CEP192: variants seen among roughly 807,000 people sequenced by gnomAD.
CEP192 encodes the protein centrosomal protein of 192 kDa.
CEP192 carries 151 observed loss-of-function variants against 271.8 expected under a neutral mutation model. That is an observed-to-expected ratio of 0.56 (90% CI 0.49 to 0.64). The LOEUF is 0.64. Among genes scored for constraint, CEP192 ranks in the 30% least tolerant of loss-of-function variants. The probability of loss-of-function intolerance (pLI) is 0.00; values close to 1 mark genes in which losing one functional copy is unlikely to be tolerated. For synonymous variants in CEP192, 995 were observed against 1,076.5 expected (o/e 0.92, Z 1.48); for missense variants, 2,910 against 3,020.5 (o/e 0.96, Z 0.86).
chr18:13,073,078 GA>G lies in CEP192; in HGVS notation c.5510del (p.Asp1837AlafsTer20). On this transcript the variant is annotated frameshift_variant, in exon 30 of 45. Coordinates refer to ENST00000506447, the MANE Select transcript of CEP192 (RefSeq NM_032142.4). LOFTEE classifies it high-confidence loss of function. ...TGAGATCAGAATTCACCCAAAGGAAGACATTTTCATCTCTGTATTATTTGCA... is the reference window on the plus strand; with the variant it reads ...TGAGATCAGAATTCACCCAAAGGAAGCATTTTCATCTCTGTATTATTTGCA... Reference protein sequence around the residue: ...NCEIRIHPKEDIFISVLFAPT... With the variant: ...NCEIRIHPKEXIFISVLFAPT... 1 of 1,613,814 alleles carries G rather than the reference GA, an allele frequency of 6.2e-7. No homozygotes were observed. The highest frequency in any genetic ancestry group is 8.5e-7 in the Non-Finnish European group (1 of 1,179,894).
At chr18:13,031,395 CTG>C (rs2035619934) in intron 11 of CEP192, among the ~76,000 whole-genome samples, 2 of 151,944 alleles carry the variant, frequency 1.3e-5, no homozygotes, top group Admixed American at 1.3e-4. Context: ...CTACAGGCAC[CTG>C]CCACTACGCC....
chr18:13,035,353 C>T (rs193169032), intron 11 of CEP192, among the ~76,000 whole-genome samples: 6 of 152,270 alleles, frequency 3.9e-5, no homozygotes, highest in Admixed American at 6.5e-5. Flanking sequence ...TACAGTTCCA[C>T]GTGGCTAGGG....
chr18:13,064,950 T>G (rs945235888), intron 21 of CEP192, among the ~76,000 whole-genome samples: 73 of 152,190 alleles, frequency 4.8e-4, no homozygotes, highest in African/African-American at 1.7e-3. Context: ...CCTCTTCAAT[T>G]TTCTTCATCA....
At position 13,056,543 on chromosome 18, in the gene CEP192, T is replaced by C; in HGVS notation, c.3953T>C (p.Ile1318Thr). 1 of 1,614,184 alleles carries C rather than the reference T, an allele frequency of 6.2e-7. No individual in the cohort carries two copies. The highest frequency in any genetic ancestry group is 8.5e-7 in the Non-Finnish European group (1 of 1,180,026). Residue 1318 changes from isoleucine (I) to threonine (T), a missense_variant, in exon 19 of 45, where the codon ATC becomes ACC. Physicochemically the swap from Ile to Thr is moderately conservative, Grantham distance 89. Coordinates refer to ENST00000506447, the MANE Select transcript of CEP192 (RefSeq NM_032142.4). ...VAVGICLGSN[I>T]GSGWMGTSSL... is the part of the protein sequence containing the mutation. ...GTGGGAATTTGTCTAGGATCAAATATCGGCTCTGGATGGATGGGTACCTCT... is the reference window on the plus strand; with the variant it reads ...GTGGGAATTTGTCTAGGATCAAATACCGGCTCTGGATGGATGGGTACCTCT...
At chr18:13,114,416 C>T (rs1361610871) in intron 42 of CEP192, among the ~76,000 whole-genome samples, 165 bp downstream of exon 42, 1 of 152,182 alleles carries the variant, frequency 6.6e-6, no homozygotes, top group Non-Finnish European at 1.5e-5. Context: ...TGTCCCTTTG[C>T]AGTCAAGATT....
intron 35 of CEP192, 36 bp downstream of exon 35, chr18:13,095,717 TC>T (rs1165690925): frequency 4.4e-6 from 7 of 1,576,600 alleles, no homozygotes; most frequent in Non-Finnish European, 6.1e-6. Context: ...AGAGGTGTGT[TC>T]CGGCGTCCGG....
rs757032280 is a variant in CEP192 at position 13,056,080 on chromosome 18, C to T, written c.3490C>T (p.Pro1164Ser). The change falls in exon 19 of 45, where the codon CCG (proline) becomes TCG (serine). Residue 1164 changes from proline (P) to serine (S), a missense_variant. Physicochemically the swap from Pro to Ser is moderately conservative, Grantham distance 74. Transcript: ENST00000506447. ...GACATCAAACCCTGAGGAATTGGAC[C>T]CGATCAGGCTGGCTCTCCTGGGCAA... ...GWTSNPEELD[P>S]IRLALLGKSG... The T allele has an allele frequency of 1.9e-6, 3 of 1,613,770 alleles. No homozygotes were observed. The highest frequency in any genetic ancestry group is 2.2e-5 in the South Asian group (2 of 91,012).
intron 1 of CEP192, among the ~76,000 whole-genome samples, chr18:12,993,809 G>C (rs1255350734): frequency 6.6e-6 from 1 of 152,044 alleles, no homozygotes; most frequent in Non-Finnish European, 1.5e-5. Flanking sequence ...TTTGACATGG[G>C]GATTAGAAAA....
intron 44 of CEP192, among the ~76,000 whole-genome samples, chr18:13,121,454 T>C (rs1425897076): frequency 6.6e-6 from 1 of 152,136 alleles, no homozygotes; most frequent in Non-Finnish European, 1.5e-5. Context: ...TGATTCTAGC[T>C]TAAGGAGGCA....
intron 4 of CEP192, among the ~76,000 whole-genome samples, chr18:13,008,905 G>A (rs1354415328): frequency 2.0e-5 from 3 of 151,604 alleles, no homozygotes; most frequent in African/African-American, 2.4e-5. Context: ...ACAGGGTTTC[G>A]CCATGTTGCC....
At chr18:13,059,345 T>A in intron 21 of CEP192, 33 bp downstream of exon 21, 1 of 1,554,568 alleles carries the variant, frequency 6.4e-7, no homozygotes, top group South Asian at 1.1e-5. Context: ...TTGTCATACC[T>A]GGCATTTTAA....
At chr18:13,009,937 T>A (rs2034234319) in intron 4 of CEP192, among the ~76,000 whole-genome samples, 1 of 152,108 alleles carries the variant, frequency 6.6e-6, no homozygotes, top group Non-Finnish European at 1.5e-5. Context: ...GGTGGGTGAA[T>A]GGCTTGAGCC....
intron 38 of CEP192, among the ~76,000 whole-genome samples, chr18:13,101,382 C>T (rs1391540045): frequency 6.6e-6 from 1 of 152,128 alleles, no homozygotes; most frequent in Non-Finnish European, 1.5e-5. Context: ...GTAATTTCAA[C>T]TTAGGATGGG....
chr18:13,055,198 G>GA (rs1045089421), intron 18 of CEP192, among the ~76,000 whole-genome samples: 1 of 151,484 alleles, frequency 6.6e-6, no homozygotes, highest in African/African-American at 2.4e-5. Flanking sequence ...AAAATGGCTT[G>GA]AACCAGGGAG....
At chr18:13,083,548 G>A (rs912327818) in intron 30 of CEP192, among the ~76,000 whole-genome samples, 7 of 152,102 alleles carry the variant, frequency 4.6e-5, no homozygotes, top group Admixed American at 2.6e-4. Context: ...GCTTCCTTGC[G>A]ATGGGTTCGA....
intron 1 of CEP192, among the ~76,000 whole-genome samples, chr18:12,992,919 T>C (rs1163236568): frequency 6.6e-6 from 1 of 152,258 alleles, no homozygotes; most frequent in African/African-American, 2.4e-5. Flanking sequence ...TTCTGAGTTT[T>C]CTTTGGATTA....
intron 1 of CEP192, among the ~76,000 whole-genome samples, chr18:12,998,656 G>T (rs17659896): frequency 1.3e-5 from 2 of 151,890 alleles, no homozygotes; most frequent in Admixed American, 6.6e-5. Context: ...TCTTCAAGGC[G>T]CATTGCCAAT....
intron 10 of CEP192, 75 bp from the exon 11 acceptor site, chr18:13,030,390 A>T (rs564159210): frequency 3.7e-5 from 47 of 1,283,070 alleles, no homozygotes; most frequent in African/African-American, 9.0e-5. Flanking sequence ...ATCTGAATTT[A>T]AAAAAAATTG....
chr18:13,093,290 A>C (rs1327797628), intron 34 of CEP192, among the ~76,000 whole-genome samples: 1 of 152,232 alleles, frequency 6.6e-6, no homozygotes, highest in Non-Finnish European at 1.5e-5. Context: ...TTGTTCCAAT[A>C]ATGTCCTTTA....
Sources: gnomAD v4.1 joint callset for allele counts (sites outside exome capture counted in the v4.1 genomes callset) on GRCh38, gnomAD v4.1.1 for gene constraint, MANE v1.5 for transcripts, NCBI Gene and HGNC (gene_info 2026-07-23, HGNC 2026-07-21) for gene names.